HEPHL1: variants seen among roughly 807,000 people sequenced by gnomAD.
The protein encoded by HEPHL1 is hephaestin like 1.
Under a neutral mutation model 122.0 loss-of-function variants are expected in HEPHL1, and 123 were observed. The observed-to-expected ratio is 1.01, with a 90% CI of 0.87 to 1.17. The LOEUF (loss-of-function observed/expected upper bound fraction) is 1.17, where lower values mean the gene tolerates loss of function less well. Ranked by LOEUF, HEPHL1 falls within the 50% of genes most tolerant of loss-of-function variation. The probability of loss-of-function intolerance (pLI) is 0.00; values close to 1 mark genes in which losing one functional copy is unlikely to be tolerated. For missense variants in HEPHL1, 1,452 were observed against 1,430.5 expected, an observed-to-expected ratio of 1.01 and a Z score of -0.24; for synonymous variants, 527 against 508.9, an observed-to-expected ratio of 1.04 and a Z score of -0.48.
At chr11:94,068,138 G>A (rs1352293179) in intron 5 of HEPHL1, among the ~76,000 whole-genome samples, 4 of 152,178 alleles carry the variant, frequency 2.6e-5, no homozygotes, top group Non-Finnish European at 2.9e-5. Context: ...CCTAACATGA[G>A]CCTTGAAATA....
chr11:94,111,424 G>C (rs1480973650), intron 18 of HEPHL1, 113 bp from the exon 19 acceptor site: 1 of 832,618 alleles, frequency 1.2e-6, no homozygotes, highest in African/African-American at 1.7e-5. Flanking sequence ...ATCCAGAAAT[G>C]ATTGGCAGAT....
In HEPHL1 at chr11:94,064,463, C is replaced by T; in HGVS notation, c.761C>T (p.Ser254Leu). The change falls in exon 4 of 20, where the codon TCA becomes TTA. Residue 254 changes from serine (S) to leucine (L), a missense_variant. Physicochemically the swap from Ser to Leu is moderately radical, Grantham distance 145. Coordinates refer to ENST00000315765, the MANE Select transcript of HEPHL1 (RefSeq NM_001098672.2). ...AAACATTTCTGCACCAACCCTGATTCAGTTGACAAGAAAGATGCTGTTTTC... is the reference window on the plus strand; with the variant it reads ...AAACATTTCTGCACCAACCCTGATTTAGTTGACAAGAAAGATGCTGTTTTC... Reference protein sequence around the residue: ...NIKHFCTNPDSVDKKDAVFQR... With the variant: ...NIKHFCTNPDLVDKKDAVFQR... 1 of 1,613,126 alleles carries T rather than the reference C, an allele frequency of 6.2e-7. No homozygotes were observed.
chr11:94,048,901 A>C (rs1387042217), intron 2 of HEPHL1, among the ~76,000 whole-genome samples: 1 of 152,064 alleles, frequency 6.6e-6, no homozygotes, highest in Non-Finnish European at 1.5e-5. Context: ...TGGGTGGATC[A>C]CCTGAGGTCG....
intron 1 of HEPHL1, among the ~76,000 whole-genome samples, chr11:94,034,800 C>T (rs1384771906): frequency 6.6e-6 from 1 of 152,216 alleles, no homozygotes; most frequent in African/African-American, 2.4e-5. Context: ...TCCCCCAAAT[C>T]AGGCATGAAG....
chr11:94,098,951 G>C (rs901681671), intron 13 of HEPHL1, among the ~76,000 whole-genome samples: 11 of 152,116 alleles, frequency 7.2e-5, no homozygotes, highest in Non-Finnish European at 1.5e-4. Context: ...CTTTGCGATG[G>C]GTTCGAACAT....
chr11:94,054,839 T>C (rs910283967), intron 2 of HEPHL1, among the ~76,000 whole-genome samples: 1 of 152,236 alleles, frequency 6.6e-6, no homozygotes, highest in Non-Finnish European at 1.5e-5. Flanking sequence ...TCTTTGAATA[T>C]GCGAAGAAAG....
chr11:94,060,966 C>T (rs1443010805), intron 2 of HEPHL1, among the ~76,000 whole-genome samples: 4 of 152,006 alleles, frequency 2.6e-5, no homozygotes, highest in Non-Finnish European at 1.5e-5. Context: ...GTAGTTCAGA[C>T]TAGGGATGTG....
chr11:94,087,810 A>G (rs778290898), intron 11 of HEPHL1, among the ~76,000 whole-genome samples: 8 of 152,156 alleles, frequency 5.3e-5, no homozygotes, highest in Non-Finnish European at 1.2e-4. Context: ...GTACCCATTG[A>G]ATCAACCCAT....
chr11:94,073,913 T>C (rs1286567086), intron 8 of HEPHL1, among the ~76,000 whole-genome samples: 1 of 152,110 alleles, frequency 6.6e-6, no homozygotes, highest in East Asian at 1.9e-4. Flanking sequence ...TAAAAAACAG[T>C]AATGTGTGCT....
rs568605200 is a variant in HEPHL1, at chr11:94,108,630, C to T, written c.3046-2273C>T. On this transcript the variant is annotated intron_variant, in intron 17 of 19. Transcript: ENST00000315765. ...TTTTCATATATATGTCCAAATGTTC[C>T]ATCACCACTCATTGAAAAGATCATC... Among the ~76,000 whole-genome samples, 410 of 151,884 alleles carry T rather than the reference C, an allele frequency of 2.7e-3. 1 individual carries two copies. The highest frequency in any genetic ancestry group is 4.8e-3 in the Non-Finnish European group (327 of 67,862).
chr11:94,053,432 T>C (rs1168303927), intron 2 of HEPHL1, among the ~76,000 whole-genome samples: 1 of 152,020 alleles, frequency 6.6e-6, no homozygotes, highest in Admixed American at 6.6e-5. Context: ...TATTTTGTAT[T>C]TTTTTTCTGT....
Position 94,086,063 on chromosome 11 carries a change from A to G in HEPHL1, c.1954A>G (p.Thr652Ala). ...RVSWHLIGLG[T>A]DTDMHGIVFQ... Reference sequence around the variant, plus strand: ...TTCCTGGCATCTGATTGGATTGGGCACTGACACTGACATGCATGGAATTGT... The same window carrying G: ...TTCCTGGCATCTGATTGGATTGGGCGCTGACACTGACATGCATGGAATTGT... The change falls in exon 11 of 20, where the codon ACT (threonine) becomes GCT (alanine). Residue 652 changes from threonine to alanine, a missense_variant. Coordinates refer to ENST00000315765, the MANE Select transcript of HEPHL1 (RefSeq NM_001098672.2). 6.2e-7 allele frequency: 1 copy of G among 1,613,896 alleles called. No individual in the cohort carries two copies. The highest frequency in any genetic ancestry group is 2.2e-5 in the East Asian group (1 of 44,876).
In HEPHL1 at chr11:94,082,486, T is replaced by C. The variant is rs1946179230; in HGVS notation, c.1785T>C (p.Asp595=). 6.2e-7 allele frequency: 1 copy of C among 1,613,138 alleles called. No homozygotes were observed. The highest frequency in any genetic ancestry group is 1.7e-5 in the Admixed American group (1 of 59,972). The change falls in exon 10 of 20, where the codon GAT becomes GAC. Residue 595 remains aspartate (D), a synonymous_variant. Coordinates refer to ENST00000315765, the MANE Select transcript of HEPHL1 (RefSeq NM_001098672.2). ...VFDENLSRYF[D]ENIQKFIWHP... ...ATGAGAATCTGAGCAGATATTTTGA[T>C]GAAAACATTCAGAAGTTTATCTGGC... is the stretch of plus-strand genomic sequence containing the variant.
chr11:94,038,145 T>C (rs1447779051), intron 1 of HEPHL1, among the ~76,000 whole-genome samples: 3 of 150,016 alleles, frequency 2.0e-5, no homozygotes, highest in Non-Finnish European at 4.4e-5. Flanking sequence ...ATGAATGAAA[T>C]GAAGTGAGAA....
chr11:94,097,417 C>G (rs993616486), intron 13 of HEPHL1, among the ~76,000 whole-genome samples: 28 of 152,012 alleles, frequency 1.8e-4, no homozygotes, highest in African/African-American at 6.3e-4. Context: ...TACATTTGCT[C>G]AGTAGTGCTT....
At chr11:94,041,428 C>G (rs1171248837) in intron 1 of HEPHL1, among the ~76,000 whole-genome samples, 1 of 140,288 alleles carries the variant, frequency 7.1e-6, no homozygotes, top group African/African-American at 2.7e-5. Context: ...CAATCCTAAG[C>G]CAAAAGAACA....
chr11:94,035,661 G>A (rs1945714091), intron 1 of HEPHL1, among the ~76,000 whole-genome samples: 1 of 152,176 alleles, frequency 6.6e-6, no homozygotes, highest in African/African-American at 2.4e-5. Context: ...GGTGATAGGG[G>A]CAGCCAGAGC....
intron 1 of HEPHL1, among the ~76,000 whole-genome samples, chr11:94,037,116 C>G (rs1945732657): frequency 6.6e-6 from 1 of 152,148 alleles, no homozygotes; most frequent in South Asian, 2.1e-4. Flanking sequence ...ACGGACGCAC[C>G]TGGAAAATCG....
intron 1 of HEPHL1, among the ~76,000 whole-genome samples, chr11:94,032,005 C>A (rs1945679812): frequency 6.6e-6 from 1 of 152,168 alleles, no homozygotes; most frequent in Non-Finnish European, 1.5e-5. Context: ...ATTTTTGTGG[C>A]CACCTGTTAG....
Sources: gnomAD v4.1 joint callset for allele counts (sites outside exome capture counted in the v4.1 genomes callset) on GRCh38, gnomAD v4.1.1 for gene constraint, MANE v1.5 for transcripts, NCBI Gene and HGNC (gene_info 2026-07-23, HGNC 2026-07-21) for gene names.